FN1: variants seen among roughly 807,000 people sequenced by gnomAD.
FN1 encodes the protein fibronectin.
In FN1, 106 loss-of-function variants were observed where a neutral mutation model predicts 297.3. The observed-to-expected ratio is 0.36, with a 90% confidence interval of 0.30 to 0.42. The LOEUF (loss-of-function observed/expected upper bound fraction) is 0.42. FN1 is among the 10% of genes least tolerant of loss of function. FN1 has a pLI of 1.00. For synonymous variants in FN1, 1,149 were observed against 1,152.6 expected (o/e 1.00, Z 0.06); for missense variants, 2,690 against 3,124.9 (o/e 0.86, Z 3.32).
At position 215,379,157 on chromosome 2, in the gene FN1, G is replaced by T. The variant is rs1324059620; in HGVS notation, c.5595C>A (p.Ser1865Arg). ...PMKEINLAPD[S>R]SSVVVSGLMV... The stretch of plus-strand genomic sequence containing the variant: ...TAAGTCCTGATACAACCACGGATGA[G>T]CTGTCAGGAGCAAGGTTGATTTCTT... The change falls in exon 34 of 46, where the codon AGC becomes AGA. Residue 1865 changes from serine to arginine, a missense_variant. Ser to Arg is a moderately radical substitution (Grantham distance 110, BLOSUM62 -1). Around this residue, in one of 3 missense-constraint regions of FN1, gnomAD observed 1,743 missense variants for 1,945.2 expected, o/e 0.90. Transcript: ENST00000354785. The T allele has an allele frequency of 6.2e-7, 1 of 1,613,982 alleles. No individual in the cohort carries two copies. The highest frequency in any genetic ancestry group is 8.5e-7 in the Non-Finnish European group (1 of 1,180,008).
intron 34 of FN1, among the ~76,000 whole-genome samples, chr2:215,378,660 T>G (rs1575349700): frequency 6.6e-6 from 1 of 152,326 alleles, no homozygotes; most frequent in East Asian, 1.9e-4. Context: ...CCCCTGAAAT[T>G]GGCCTTATGT....
rs755626854 is a variant in FN1, at chr2:215,407,147, G to A, written c.2693C>T (p.Thr898Ile). 6.2e-7 allele frequency: 1 copy of A among 1,614,022 alleles called. No homozygotes were observed. The highest frequency in any genetic ancestry group is 1.1e-5 in the South Asian group (1 of 91,070). Reference protein sequence around the residue: ...ESTPVVIQQETTGTPRSDTVP... With the variant: ...ESTPVVIQQEITGTPRSDTVP... ...GTTACCTGAGCGTGGGGTGCCAGTG[G>A]TTTCTTGTTGAATGACAACAGGTGT... Residue 898 changes from threonine to isoleucine, a missense_variant, in exon 18 of 46, where the codon ACC becomes ATC. Coordinates refer to ENST00000354785, the MANE Select transcript of FN1 (RefSeq NM_212482.4).
At chr2:215,432,283 A>G (rs2066659025) in intron 3 of FN1, among the ~76,000 whole-genome samples, 1 of 152,182 alleles carries the variant, frequency 6.6e-6, no homozygotes, top group Admixed American at 6.5e-5. Flanking sequence ...GTCTTCACTC[A>G]TACACAGCAG....
At chr2:215,392,737 T>TCATTTAAACCACAA in intron 25 of FN1, 194 bp downstream of exon 25, 2 of 645,000 alleles carry the variant, frequency 3.1e-6, no homozygotes, top group South Asian at 3.5e-5. Context: ...GAGAGTGTAC[T>TCATTTAAACCACAA]GAAGAATACT....
rs980313430 is a variant in FN1 at position 215,399,313 on chromosome 2, C to T, written c.3292G>A (p.Val1098Met). 5 of 1,614,026 alleles carry T rather than the reference C, an allele frequency of 3.1e-6. 1 individual carries two copies. In the Admixed American group the frequency reaches 8.3e-5, roughly 27 times the overall value. The change falls in exon 21 of 46, where the codon GTG (valine) becomes ATG (methionine). Residue 1098 changes from valine to methionine, a missense_variant. Transcript: ENST00000354785. ...GSSIPPYNTE[V>M]TETTIVITWT... ...GTGATCACAATGGTGGTCTCAGTCA[C>T]CTCGGTGTTGTAAGGTGGAATAGAG... is the stretch of plus-strand genomic sequence containing the variant.
rs1240216665 is a variant in FN1, at chr2:215,392,964, C to T, written c.4036G>A (p.Glu1346Lys). ...ISVITLINGGESAPTTLTQQT... is the reference protein window; with the variant it reads ...ISVITLINGGKSAPTTLTQQT... ...TGTGTCAGTGTAGTAGGGGCACTCTCGCCGCCATTAATGAGAGTGATAACG... is the reference window on the plus strand; with the variant it reads ...TGTGTCAGTGTAGTAGGGGCACTCTTGCCGCCATTAATGAGAGTGATAACG... Residue 1346 changes from glutamate to lysine, a missense_variant, in exon 25 of 46, where the codon GAG (glutamate) becomes AAG (lysine). This residue lies in a region of FN1 where 1,743 missense variants were observed against 1,945.2 expected (regional missense o/e 0.90). Coordinates refer to ENST00000354785, the MANE Select transcript of FN1 (RefSeq NM_212482.4). The T allele has an allele frequency of 3.7e-6, 6 of 1,612,956 alleles. No homozygotes were observed. Among genetic ancestry groups the T allele is most frequent in the East Asian group, 2.2e-5 (1 of 44,884 alleles).
chr2:215,374,709 A>G (rs959491304), intron 38 of FN1, among the ~76,000 whole-genome samples: 2 of 152,234 alleles, frequency 1.3e-5, no homozygotes, highest in Non-Finnish European at 2.9e-5. Context: ...CTAGAGGCTT[A>G]TAGTCTTTCC....
chr2:215,403,974 C>T (rs1559484521), intron 20 of FN1, among the ~76,000 whole-genome samples: 1 of 152,154 alleles, frequency 6.6e-6, no homozygotes, highest in Non-Finnish European at 1.5e-5. Flanking sequence ...CTTGCGTTAA[C>T]TAGTGTTTGG....
intron 45 of FN1, 118 bp downstream of exon 45, chr2:215,361,851 T>C (rs2053513275): frequency 2.1e-6 from 3 of 1,399,942 alleles, no homozygotes; most frequent in South Asian, 1.3e-5. Flanking sequence ...ACTTAAGTCA[T>C]TTATGAGTTG....
At chr2:215,392,688 C>T (rs1037186999) in intron 25 of FN1, 21 of 553,848 alleles carry the variant, frequency 3.8e-5, no homozygotes, top group Non-Finnish European at 6.8e-5. Flanking sequence ...GAGCAGACAT[C>T]TGTATTTCTC....
intron 22 of FN1, among the ~76,000 whole-genome samples, chr2:215,397,453 A>C (rs1392928598): frequency 6.6e-6 from 1 of 152,106 alleles, no homozygotes; most frequent in Non-Finnish European, 1.5e-5. Context: ...TCATCTTGCC[A>C]GTTCATAAAT....
At chr2:215,382,643 T>C (rs1390002119) in intron 31 of FN1, among the ~76,000 whole-genome samples, 1 of 152,186 alleles carries the variant, frequency 6.6e-6, no homozygotes, top group Non-Finnish European at 1.5e-5. Flanking sequence ...AAGATCCTAA[T>C]TTCACAAGTA....
In FN1 at chr2:215,391,721, T is replaced by G; in HGVS notation, c.4163A>C (p.Asn1388Thr). ...CACAGGTGAGTAACGCACCAGGAAG[T>G]TGGTTAAATCAATGGATGGGGGTGG... is the stretch of plus-strand genomic sequence containing the variant. Reference protein sequence around the residue: ...WAPPPSIDLTNFLVRYSPVKN... With the variant: ...WAPPPSIDLTTFLVRYSPVKN... Residue 1388 changes from asparagine to threonine, a missense_variant, in exon 26 of 46, where the codon AAC becomes ACC. Physicochemically the swap from Asn to Thr is moderately conservative, Grantham distance 65 (BLOSUM62 0). Transcript: ENST00000354785. 6.2e-7 allele frequency: 1 copy of G among 1,614,024 alleles called. No individual in the cohort carries two copies. Among genetic ancestry groups the G allele is most frequent in the Non-Finnish European group, 8.5e-7 (1 of 1,179,978 alleles).
chr2:215,409,756 A>G lies in FN1; in HGVS notation c.2123-17T>C, dbSNP rs2062313033. 2 of 1,613,862 alleles carry G rather than the reference A, an allele frequency of 1.2e-6. No homozygotes were observed. The highest frequency in any genetic ancestry group is 1.3e-5 in the African/African-American group (1 of 74,896). ...CGGTGTTGCCTAGAGAGTCACAGAA[A>G]GGGGAAAGTCAGCCTTCAGTCATCT... On this transcript the variant is annotated splice_polypyrimidine_tract_variant and intron_variant, in intron 14 of 45. Transcript: ENST00000354785.
chr2:215,410,529 CAG>C (rs1180112452), intron 13 of FN1, among the ~76,000 whole-genome samples: 7 of 138,926 alleles, frequency 5.0e-5, no homozygotes, highest in Admixed American at 2.3e-4. Flanking sequence ...TTTTTTGAGA[CAG>C]AGTTTTGCTC....
At chr2:215,408,269 T>A in intron 16 of FN1, 29 bp downstream of exon 16, 1 of 1,614,032 alleles carries the variant, frequency 6.2e-7, no homozygotes, top group Non-Finnish European at 8.5e-7. Flanking sequence ...AGAAAAAGAT[T>A]CTTTTAACAC....
intron 36 of FN1, 62 bp from the exon 37 acceptor site, chr2:215,375,780 C>G: frequency 9.1e-7 from 1 of 1,097,116 alleles, no homozygotes; most frequent in South Asian, 1.3e-5. Context: ...AATTCTCAAG[C>G]TAGCCTGCAA....
chr2:215,432,628 G>A (rs901910958), intron 3 of FN1, among the ~76,000 whole-genome samples: 2 of 152,116 alleles, frequency 1.3e-5, no homozygotes, highest in Non-Finnish European at 2.9e-5. Flanking sequence ...TCTTTAAGAC[G>A]ACTTATATTT....
chr2:215,429,148 T>C (rs1418912629), intron 5 of FN1, among the ~76,000 whole-genome samples: 1 of 152,254 alleles, frequency 6.6e-6, no homozygotes, highest in East Asian at 1.9e-4. Flanking sequence ...GTAGTATCTC[T>C]TTCTTCATTT....
Sources: allele counts gnomAD v4.1 joint callset (sites outside exome capture counted in the v4.1 genomes callset), GRCh38; gene constraint gnomAD v4.1.1; regional missense constraint gnomAD v4.1.1; transcripts MANE v1.5; gene names NCBI Gene and HGNC (gene_info 2026-07-23, HGNC 2026-07-21).